The following KSR1 variants were observed in gnomAD, a reference collection of about 807,000 sequenced individuals.
The protein encoded by KSR1 is kinase suppressor of ras 1.
In KSR1, 35 loss-of-function variants were observed where a neutral mutation model predicts 92.9. The ratio of observed to expected loss-of-function variants is 0.38; its 90% CI spans 0.29 to 0.50. The LOEUF is 0.50. Among genes scored for constraint, KSR1 ranks in the 20% least tolerant of loss-of-function variants. The pLI is 0.94. For missense variants in KSR1, 972 were observed against 1,158.5 expected, an observed-to-expected ratio of 0.84 and a Z score of 2.34; for synonymous variants, 467 against 472.6, an observed-to-expected ratio of 0.99 and a Z score of 0.15.
chr17:27,550,034 G>A (rs1336534057), intron 1 of KSR1, among the ~76,000 whole-genome samples: 4 of 152,074 alleles, frequency 2.6e-5, no homozygotes, highest in East Asian at 1.9e-4. Flanking sequence ...CCCCACCCTG[G>A]CAGGAAAGCC....
chr17:27,569,234 A>G (rs1392803889), intron 2 of KSR1, among the ~76,000 whole-genome samples: 1 of 152,140 alleles, frequency 6.6e-6, no homozygotes, highest in Non-Finnish European at 1.5e-5. Context: ...TCTCCTCTCT[A>G]CATTTTGGGA....
chr17:27,545,722 G>C (rs888555777), intron 1 of KSR1, among the ~76,000 whole-genome samples: 2 of 152,218 alleles, frequency 1.3e-5, no homozygotes, highest in African/African-American at 4.8e-5. Flanking sequence ...CTTCCTGGAG[G>C]AAGTGGTGTC....
chr17:27,568,272 T>G (rs1176876522), intron 2 of KSR1, among the ~76,000 whole-genome samples: 1 of 152,188 alleles, frequency 6.6e-6, no homozygotes, highest in African/African-American at 2.4e-5. Flanking sequence ...TCACTTGCTG[T>G]GGCCTGGCTC....
chr17:27,607,800 C>T (rs753281489), intron 14 of KSR1, 114 bp from the exon 15 acceptor site: 16 of 758,180 alleles, frequency 2.1e-5, no homozygotes, highest in Non-Finnish European at 3.4e-5. Context: ...AGTCGAGGGG[C>T]TGGAGAGAGT....
At chr17:27,483,038 C>T (rs148627935) in intron 1 of KSR1, among the ~76,000 whole-genome samples, 3 of 152,260 alleles carry the variant, frequency 2.0e-5, no homozygotes, top group African/African-American at 7.2e-5. Flanking sequence ...AAGTTTTAAC[C>T]ATTTCATTGC....
chr17:27,592,439 C>T lies in KSR1; in HGVS notation c.1192+17C>T. 6.2e-7 allele frequency: 1 copy of T among 1,613,692 alleles called. No homozygotes were observed. The highest frequency in any genetic ancestry group is 8.5e-7 in the Non-Finnish European group (1 of 1,179,652). The stretch of plus-strand genomic sequence containing the variant: ...TCCTGCCACGTGAGTTTTCTGCCTT[C>T]CTCTCCTCTGCCTTCTGGATTTGGG... On this transcript the variant is annotated intron_variant, in intron 8 of 20. Coordinates refer to ENST00000644974, the MANE Select transcript of KSR1 (RefSeq NM_001394583.1).
chr17:27,601,592 G>A (rs555636385), intron 11 of KSR1, among the ~76,000 whole-genome samples, 191 bp downstream of exon 11: 19 of 152,328 alleles, frequency 1.2e-4, no homozygotes, highest in African/African-American at 2.4e-4. Context: ...GGCCTCTTAC[G>A]TGAGAAGTTC....
chr17:27,514,486 C>G (rs927533203), intron 1 of KSR1, among the ~76,000 whole-genome samples: 1 of 151,980 alleles, frequency 6.6e-6, no homozygotes, highest in Admixed American at 6.6e-5. Context: ...TGGTGAAACC[C>G]CGTCTCTATT....
intron 18 of KSR1, among the ~76,000 whole-genome samples, chr17:27,613,563 C>T (rs1328394608): frequency 6.6e-6 from 1 of 152,208 alleles, no homozygotes; most frequent in African/African-American, 2.4e-5. Flanking sequence ...GCATGTGGGT[C>T]TCCAGTCCAT....
rs767179782 is a variant in KSR1 at position 27,603,906 on chromosome 17, G to A, written c.1565+18G>A. 1 of 1,613,476 alleles carries A rather than the reference G, an allele frequency of 6.2e-7. No homozygotes were observed. Among genetic ancestry groups the A allele is most frequent in the Non-Finnish European group, 8.5e-7 (1 of 1,179,486 alleles). ...GGTACCCGGTAGGCATCCCTAGGTG[G>A]TGTCCCCTTCGCTTCTTTGGGGAAT... On this transcript the variant is annotated intron_variant, in intron 12 of 20. Transcript: ENST00000644974.
At chr17:27,528,628 G>A (rs2151037060) in intron 1 of KSR1, among the ~76,000 whole-genome samples, 1 of 152,250 alleles carries the variant, frequency 6.6e-6, no homozygotes, top group Middle Eastern at 3.4e-3. Flanking sequence ...GCCAGGCATA[G>A]TGGCTCACGT....
intron 1 of KSR1, chr17:27,465,028 C>CGGTTGG (rs2019618955): frequency 6.6e-6 from 1 of 152,112 alleles, no homozygotes. Context: ...AAGGGTTGGA[C>CGGTTGG]ACGGCTGATC....
chr17:27,513,324 C>G (rs1043177745), intron 1 of KSR1, among the ~76,000 whole-genome samples: 13 of 152,060 alleles, frequency 8.5e-5, no homozygotes, highest in African/African-American at 2.9e-4. Context: ...GATGCGGTGG[C>G]TCATGTCTGT....
intron 3 of KSR1, among the ~76,000 whole-genome samples, chr17:27,581,637 C>T (rs1382427763): frequency 6.6e-6 from 1 of 152,140 alleles, no homozygotes; most frequent in East Asian, 1.9e-4. Context: ...CCTCTCTCCA[C>T]CCCCACAGCT....
intron 2 of KSR1, among the ~76,000 whole-genome samples, chr17:27,576,469 T>TTC (rs2072509601): frequency 6.6e-6 from 1 of 152,188 alleles, no homozygotes; most frequent in Admixed American, 6.5e-5. Flanking sequence ...GTGGTCTCTC[T>TTC]TCTCTCTCTC....
At chr17:27,519,837 C>G (rs1334491619) in intron 1 of KSR1, among the ~76,000 whole-genome samples, 1 of 152,190 alleles carries the variant, frequency 6.6e-6, no homozygotes, top group Non-Finnish European at 1.5e-5. Flanking sequence ...TGAATGTGGG[C>G]CCCACCACCT....
chr17:27,486,158 C>T (rs550197948), intron 1 of KSR1, among the ~76,000 whole-genome samples: 1 of 152,356 alleles, frequency 6.6e-6, no homozygotes, highest in African/African-American at 2.4e-5. Flanking sequence ...CAAGCAAAAC[C>T]ATCCTGCTTT....
At chr17:27,464,757 C>T (rs1292573690) in intron 1 of KSR1, among the ~76,000 whole-genome samples, 1 of 150,942 alleles carries the variant, frequency 6.6e-6, no homozygotes, top group Non-Finnish European at 1.5e-5. Context: ...GCATTCTGTG[C>T]CACTATCCAT....
chr17:27,565,427 A>G (rs1306072743), intron 2 of KSR1, among the ~76,000 whole-genome samples: 2 of 152,152 alleles, frequency 1.3e-5, no homozygotes, highest in African/African-American at 4.8e-5. Context: ...ACGTGAAATT[A>G]TGTTTATTTA....
Sources: allele counts gnomAD v4.1 joint callset (sites outside exome capture counted in the v4.1 genomes callset), GRCh38; gene constraint gnomAD v4.1.1; transcripts MANE v1.5; gene names NCBI Gene and HGNC (gene_info 2026-07-23, HGNC 2026-07-21).